Variants in ASTN2 observed in about 807,000 individuals in gnomAD.
ASTN2 encodes astrotactin-2.
In ASTN2, 54 loss-of-function variants were observed where a neutral mutation model predicts 139.8. The observed-to-expected ratio is 0.39, with a 90% CI of 0.31 to 0.48. The LOEUF (loss-of-function observed/expected upper bound fraction) is 0.48, where lower values mean the gene tolerates loss of function less well. ASTN2 is among the 20% of genes least tolerant of loss of function. The pLI, the probability that ASTN2 is intolerant of heterozygous loss-of-function variation, is 0.95. For synonymous variants in ASTN2, 756 were observed against 719.5 expected (o/e 1.05, Z -0.81); for missense variants, 1,565 against 1,725.1 (o/e 0.91, Z 1.64).
intron 4 of ASTN2, among the ~76,000 whole-genome samples, chr9:117,113,110 C>A (rs1424043503): frequency 6.6e-6 from 1 of 152,160 alleles, no homozygotes; most frequent in Non-Finnish European, 1.5e-5. Context: ...GGTTTTGAAG[C>A]AAGTGAAACT....
At chr9:116,499,086 C>T (rs918453699) in intron 19 of ASTN2, among the ~76,000 whole-genome samples, 2 of 152,166 alleles carry the variant, frequency 1.3e-5, no homozygotes, top group South Asian at 2.1e-4. Flanking sequence ...AATGCAAATC[C>T]AAACTGCCCA....
chr9:117,026,261 G>C (rs1216888788), intron 6 of ASTN2, among the ~76,000 whole-genome samples: 2 of 152,114 alleles, frequency 1.3e-5, no homozygotes, highest in East Asian at 3.9e-4. Context: ...CAACCATTTA[G>C]TTCTCACAAT....
At position 116,698,059 on chromosome 9, in the gene ASTN2, G is replaced by T. The variant is rs760730435; in HGVS notation, c.2806+27712C>A. The T allele has an allele frequency of 6.2e-7, 1 of 1,613,872 alleles. No homozygotes were observed. Among genetic ancestry groups the T allele is most frequent in the African/African-American group, 1.3e-5 (1 of 74,918 alleles). On this transcript the variant is annotated intron_variant, in intron 16 of 22. Coordinates refer to ENST00000313400, the MANE Select transcript of ASTN2 (RefSeq NM_001365068.1). This position sits in a 1 kb window ranked among gnomAD's most constrained non-coding sequence, Gnocchi z 4.4. The stretch of plus-strand genomic sequence containing the variant: ...CTCATGTGTCGGTCCTGTGGGCGGC[G>T]TCTGCCCCGGCAATTCTGCCGGAGC...
intron 10 of ASTN2, among the ~76,000 whole-genome samples, chr9:116,964,513 A>G (rs148656036): frequency 1.3e-5 from 2 of 152,306 alleles, no homozygotes; most frequent in African/African-American, 4.8e-5. Context: ...GCAACGGAGC[A>G]GGAGGCAATG....
intron 1 of ASTN2, among the ~76,000 whole-genome samples, chr9:117,316,487 G>A (rs1045825604): frequency 1.3e-5 from 2 of 152,146 alleles, no homozygotes; most frequent in African/African-American, 4.8e-5. Context: ...AGGGTGGGGA[G>A]CGATGGAAGG....
intron 1 of ASTN2, among the ~76,000 whole-genome samples, chr9:117,378,907 T>C (rs1488449277): frequency 6.6e-6 from 1 of 152,166 alleles, no homozygotes; most frequent in African/African-American, 2.4e-5. Context: ...CACCATCCCC[T>C]TGGTGCTGTT....
chr9:116,860,938 G>A (rs1428733789), intron 11 of ASTN2, among the ~76,000 whole-genome samples: 3 of 152,306 alleles, frequency 2.0e-5, no homozygotes, highest in East Asian at 3.9e-4. Flanking sequence ...ATGATGGAGA[G>A]TCTACAGAGA....
intron 7 of ASTN2, among the ~76,000 whole-genome samples, chr9:117,006,850 C>G (rs937476330): frequency 2.6e-5 from 4 of 152,188 alleles, no homozygotes; most frequent in African/African-American, 9.7e-5. Context: ...GGCGTGATGG[C>G]TCACACGTGT....
intron 20 of ASTN2, among the ~76,000 whole-genome samples, chr9:116,486,894 G>A (rs1311833528): frequency 1.3e-5 from 2 of 151,064 alleles, no homozygotes; most frequent in Non-Finnish European, 2.9e-5. Flanking sequence ...TAATAAAAAA[G>A]TGTATATTGT....
chr9:116,775,149 G>A (rs750956449), intron 13 of ASTN2, among the ~76,000 whole-genome samples: 1 of 152,110 alleles, frequency 6.6e-6, no homozygotes, highest in African/African-American at 2.4e-5. Context: ...CAGTCCTGAA[G>A]GGTGGATATG....
chr9:117,100,219 A>G (rs114126632), intron 4 of ASTN2, among the ~76,000 whole-genome samples: 42 of 152,342 alleles, frequency 2.8e-4, no homozygotes, highest in African/African-American at 9.9e-4. Flanking sequence ...GTTTCCATAA[A>G]GGCTTTCCCT....
intron 10 of ASTN2, among the ~76,000 whole-genome samples, chr9:116,909,661 C>A (rs940878605): frequency 1.2e-4 from 18 of 152,240 alleles, no homozygotes; most frequent in African/African-American, 3.1e-4. Flanking sequence ...CACCTTGGTG[C>A]CCTCTAACAC....
At chr9:117,002,433 T>C (rs1338201627) in intron 7 of ASTN2, among the ~76,000 whole-genome samples, 1 of 152,060 alleles carries the variant, frequency 6.6e-6, no homozygotes, top group Non-Finnish European at 1.5e-5. Context: ...TGGGGAATAA[T>C]TGTGAGTATG....
chr9:116,790,029 G>A (rs1469694821), intron 13 of ASTN2, among the ~76,000 whole-genome samples: 4 of 148,554 alleles, frequency 2.7e-5, no homozygotes, highest in African/African-American at 7.5e-5. Context: ...TGGTTCAAGC[G>A]ATTCTCCTGC....
chr9:117,018,395 G>A (rs1837777727), intron 6 of ASTN2, among the ~76,000 whole-genome samples: 1 of 151,814 alleles, frequency 6.6e-6, no homozygotes, highest in African/African-American at 2.4e-5. Context: ...GCTCACAACT[G>A]TGAGCACTAA....
At chr9:116,515,264 C>T (rs1449571183) in intron 19 of ASTN2, among the ~76,000 whole-genome samples, 2 of 152,174 alleles carry the variant, frequency 1.3e-5, no homozygotes, top group Non-Finnish European at 2.9e-5. Flanking sequence ...GGGTTTACCC[C>T]TTAGGAAATG....
intron 5 of ASTN2, among the ~76,000 whole-genome samples, chr9:117,064,132 C>T (rs768812489): frequency 1.1e-4 from 16 of 151,750 alleles, no homozygotes; most frequent in Admixed American, 2.6e-4. Flanking sequence ...GCGCTCACAA[C>T]GCAGAAACAT....
At chr9:117,301,393 C>G (rs1356922406) in intron 1 of ASTN2, among the ~76,000 whole-genome samples, 2 of 152,196 alleles carry the variant, frequency 1.3e-5, no homozygotes. Context: ...TTGCTAACAC[C>G]TACTTACGTG....
At chr9:116,979,787 G>A (rs575455671) in intron 7 of ASTN2, among the ~76,000 whole-genome samples, 41 of 152,200 alleles carry the variant, frequency 2.7e-4, no homozygotes, top group African/African-American at 9.6e-4. Context: ...TTATGGAAAG[G>A]GCAAAGGCTG....
Sources: gnomAD v4.1 joint callset for allele counts (sites outside exome capture counted in the v4.1 genomes callset) on GRCh38, gnomAD v4.1.1 for gene constraint, Gnocchi (gnomAD v3.1) non-coding constraint, MANE v1.5 for transcripts, NCBI Gene and HGNC (gene_info 2026-07-23, HGNC 2026-07-21) for gene names.